LRRTM4: variants seen among roughly 807,000 people sequenced by gnomAD.
LRRTM4 encodes the protein leucine-rich repeat transmembrane neuronal protein 4.
A neutral mutation model predicts 47.6 loss-of-function variants in LRRTM4; 25 were observed. The ratio of observed to expected loss-of-function variants is 0.53; its 90% CI spans 0.38 to 0.73. The LOEUF is 0.73. LRRTM4 is among the 30% of genes least tolerant of loss of function. The pLI is 0.00. For missense variants in LRRTM4, 638 were observed against 713.4 expected (o/e 0.89, Z 1.20); for synonymous variants, 311 against 269.5 (o/e 1.15, Z -1.51).
intron 3 of LRRTM4, among the ~76,000 whole-genome samples, chr2:77,339,709 G>C (rs1163834542): frequency 6.6e-6 from 1 of 151,948 alleles, no homozygotes. Flanking sequence ...ATCAAAGGCA[G>C]ATATATGAAG....
chr2:77,003,246 A>C (rs887582536), intron 3 of LRRTM4, among the ~76,000 whole-genome samples: 1 of 151,616 alleles, frequency 6.6e-6, no homozygotes, highest in African/African-American at 2.4e-5. Context: ...CTTTTTTTAT[A>C]ATTATAGATT....
At chr2:76,837,142 TTC>T (rs1671537513) in intron 3 of LRRTM4, among the ~76,000 whole-genome samples, 1 of 152,172 alleles carries the variant, frequency 6.6e-6, no homozygotes, top group Admixed American at 6.6e-5. Context: ...ATTTATCCAT[TTC>T]TGTTAGATTT....
At chr2:77,006,799 G>A (rs895109666) in intron 3 of LRRTM4, among the ~76,000 whole-genome samples, 2 of 152,160 alleles carry the variant, frequency 1.3e-5, no homozygotes, top group Admixed American at 6.5e-5. Context: ...AAACAGGCAA[G>A]ACCAGCTAAG....
rs545483395 is a variant in LRRTM4 at position 76,995,091 on chromosome 2, C to A, written c.1552-246175G>T. Among the ~76,000 whole-genome samples, 13 of 151,950 alleles carry A rather than the reference C, an allele frequency of 8.6e-5. No homozygotes were observed. The East Asian group carries it at 2.5e-3, about 30-fold the overall frequency. The stretch of plus-strand genomic sequence containing the variant: ...GAGAAATTTGACTCAGGAAACTGAA[C>A]TTTTAAATTTTGAAGTGTGCTCTGT... On this transcript the variant is annotated intron_variant, in intron 3 of 3. Coordinates refer to ENST00000409884, the MANE Select transcript of LRRTM4 (RefSeq NM_001134745.3).
chr2:77,105,488 A>G (rs970153647), intron 3 of LRRTM4, among the ~76,000 whole-genome samples: 56 of 122,732 alleles, frequency 4.6e-4, no homozygotes, highest in South Asian at 8.1e-4. Context: ...GAAGGGGAAC[A>G]TCACACACCG....
chr2:77,188,689 G>A (rs1411403547), intron 3 of LRRTM4, among the ~76,000 whole-genome samples: 2 of 152,114 alleles, frequency 1.3e-5, no homozygotes, highest in African/African-American at 4.8e-5. Flanking sequence ...AACATCTAAT[G>A]TGTGTGCTTA....
At chr2:77,064,847 T>C (rs1373890826) in intron 3 of LRRTM4, among the ~76,000 whole-genome samples, 1 of 152,194 alleles carries the variant, frequency 6.6e-6, no homozygotes, top group Admixed American at 6.5e-5. Flanking sequence ...TTTCTCTGCC[T>C]TTTCTGATTT....
chr2:76,857,613 A>G lies in LRRTM4; in HGVS notation c.1552-108697T>C, dbSNP rs538046307. Among the ~76,000 whole-genome samples, 4 of 152,206 alleles carry G rather than the reference A, an allele frequency of 2.6e-5. No homozygotes were observed. In the East Asian group the frequency reaches 5.8e-4, roughly 22 times the overall value. ...AAGACTGAAAACCTAACACAGCATT[A>G]TAGTCTTTCGTATTTCAGTTACCAA... On this transcript the variant is annotated intron_variant, in intron 3 of 3. Coordinates refer to ENST00000409884, the MANE Select transcript of LRRTM4 (RefSeq NM_001134745.3).
At position 76,796,596 on chromosome 2, in the gene LRRTM4, G is replaced by A. The variant is rs1334176678; in HGVS notation, c.1552-47680C>T. On this transcript the variant is annotated intron_variant, in intron 3 of 3. Transcript: ENST00000409884. ...GTATTCCAACAGACCTGCAGCTGAG[G>A]GTCCTCTCTGTTAGAAGGAAAACTA... Among the ~76,000 whole-genome samples, 6 of 112,562 alleles carry A rather than the reference G, an allele frequency of 5.3e-5. 1 individual carries two copies. Among genetic ancestry groups the A allele is most frequent in the Non-Finnish European group, 8.6e-5 (5 of 58,272 alleles). The allele number at this position is 112,562 out of a possible 152,430, so 73.8% of individuals were successfully genotyped here. A position where few individuals can be genotyped will look rare whatever the true frequency, so the allele number is the denominator to read the frequency against.
chr2:76,978,878 C>G (rs577793510), intron 3 of LRRTM4, among the ~76,000 whole-genome samples: 5 of 152,012 alleles, frequency 3.3e-5, no homozygotes, highest in Admixed American at 1.3e-4. Flanking sequence ...TGAATTGGGT[C>G]TGAGGTCTGA....
At chr2:76,988,373 G>A (rs1039224541) in intron 3 of LRRTM4, among the ~76,000 whole-genome samples, 8 of 151,720 alleles carry the variant, frequency 5.3e-5, no homozygotes, top group African/African-American at 1.9e-4. Flanking sequence ...ACCTAAATCG[G>A]GGCATTGAGG....
intron 3 of LRRTM4, among the ~76,000 whole-genome samples, chr2:76,887,356 AT>A (rs139933818): frequency 6.6e-6 from 1 of 151,228 alleles, no homozygotes; most frequent in East Asian, 1.9e-4. Context: ...AACGTGTATA[AT>A]TTTTTTTCTA....
chr2:77,428,964 C>T (rs979325340), intron 3 of LRRTM4, among the ~76,000 whole-genome samples: 7 of 152,144 alleles, frequency 4.6e-5, no homozygotes, highest in African/African-American at 1.7e-4. Context: ...AGAAAAAGAA[C>T]AGACCTAAAT....
At chr2:76,883,015 C>A (rs368862460) in intron 3 of LRRTM4, among the ~76,000 whole-genome samples, 36 of 152,266 alleles carry the variant, frequency 2.4e-4, no homozygotes, top group East Asian at 1.4e-3. Context: ...CTCTGCCAGC[C>A]AGGTAAAGTC....
chr2:76,919,248 T>C (rs72821280), intron 3 of LRRTM4, among the ~76,000 whole-genome samples: 1 of 152,120 alleles, frequency 6.6e-6, no homozygotes, highest in Non-Finnish European at 1.5e-5. Flanking sequence ...ACTCAGCTCT[T>C]AAGACTTCAA....
intron 3 of LRRTM4, among the ~76,000 whole-genome samples, chr2:77,496,846 A>G (rs1399184554): frequency 2.0e-5 from 3 of 151,658 alleles, no homozygotes; most frequent in Non-Finnish European, 4.4e-5. Flanking sequence ...TCTTTTTTCA[A>G]GCCTCTTCAA....
intron 3 of LRRTM4, among the ~76,000 whole-genome samples, chr2:76,754,297 G>T (rs1672951683): frequency 6.6e-6 from 1 of 151,044 alleles, no homozygotes; most frequent in Non-Finnish European, 1.5e-5. Context: ...CAAGGAATAA[G>T]TACATGTAAA....
intron 3 of LRRTM4, among the ~76,000 whole-genome samples, chr2:77,250,143 A>G (rs917321537): frequency 2.0e-5 from 3 of 152,168 alleles, no homozygotes; most frequent in African/African-American, 7.2e-5. Context: ...GTGAAAAAAA[A>G]TCATAATTGC....
chr2:77,083,771 T>G (rs1375052379), intron 3 of LRRTM4, among the ~76,000 whole-genome samples: 1 of 146,882 alleles, frequency 6.8e-6, no homozygotes, highest in Admixed American at 6.9e-5. Context: ...TCTCAATTTT[T>G]AACTGGACAC....
Sources: allele counts gnomAD v4.1 joint callset (sites outside exome capture counted in the v4.1 genomes callset), GRCh38; gene constraint gnomAD v4.1.1; transcripts MANE v1.5; gene names NCBI Gene and HGNC (gene_info 2026-07-23, HGNC 2026-07-21).